Variants in ERC2 observed in about 807,000 individuals in gnomAD.
ERC2 encodes ERC protein 2.
ERC2 carries 42 observed loss-of-function variants against 114.8 expected under a neutral mutation model. The observed-to-expected ratio is 0.37, with a 90% confidence interval of 0.29 to 0.47. ERC2 has a LOEUF of 0.47. ERC2 is among the 20% of genes least tolerant of loss of function. The pLI is 0.99. For missense variants in ERC2, 939 were observed against 1,150.7 expected, an observed-to-expected ratio of 0.82 and a Z score of 2.66; for synonymous variants, 454 against 425.5, an observed-to-expected ratio of 1.07 and a Z score of -0.82.
intron 8 of ERC2, among the ~76,000 whole-genome samples, chr3:56,015,861 C>T (rs2073270981): frequency 6.6e-6 from 1 of 152,180 alleles, no homozygotes; most frequent in Admixed American, 6.5e-5. Flanking sequence ...CCAGCCTCAC[C>T]AGCATCTGTT....
chr3:56,051,042 C>T (rs2075737902), intron 7 of ERC2, among the ~76,000 whole-genome samples: 1 of 152,186 alleles, frequency 6.6e-6, no homozygotes, highest in African/African-American at 2.4e-5. Context: ...TCCCTGATGC[C>T]TGCAGCCAGA....
chr3:56,428,084 G>A (rs1314927821), intron 2 of ERC2, among the ~76,000 whole-genome samples: 1 of 152,200 alleles, frequency 6.6e-6, no homozygotes, highest in Admixed American at 6.5e-5. Context: ...AAGAAGGTAA[G>A]TCTGAGGAGT....
At chr3:56,406,177 G>A (rs913992690) in intron 2 of ERC2, among the ~76,000 whole-genome samples, 1 of 152,226 alleles carries the variant, frequency 6.6e-6, no homozygotes, top group Non-Finnish European at 1.5e-5. Context: ...ACAGGCGTAA[G>A]CCACTATGCC....
At chr3:55,914,964 T>A (rs920790416) in intron 13 of ERC2, among the ~76,000 whole-genome samples, 5 of 152,176 alleles carry the variant, frequency 3.3e-5, no homozygotes, top group African/African-American at 1.2e-4. Context: ...CCAAAGATTT[T>A]AAAAATAATC....
At chr3:56,043,037 A>G (rs1328569520) in intron 7 of ERC2, among the ~76,000 whole-genome samples, 1 of 152,192 alleles carries the variant, frequency 6.6e-6, no homozygotes, top group African/African-American at 2.4e-5. Flanking sequence ...CAAGATCTTC[A>G]TGGTTTGCTA....
At chr3:55,974,965 A>G (rs1356385814) in intron 12 of ERC2, among the ~76,000 whole-genome samples, 1 of 152,226 alleles carries the variant, frequency 6.6e-6, no homozygotes, top group East Asian at 1.9e-4. Flanking sequence ...TGGTCCCAGG[A>G]GTGCTTGAGC....
At chr3:56,370,352 G>C (rs879923870) in intron 2 of ERC2, among the ~76,000 whole-genome samples, 3 of 152,180 alleles carry the variant, frequency 2.0e-5, no homozygotes, top group Non-Finnish European at 2.9e-5. Context: ...CATTGCTCCG[G>C]ATTTCTTGTT....
At chr3:55,810,662 G>A (rs2059687188) in intron 14 of ERC2, among the ~76,000 whole-genome samples, 2 of 152,182 alleles carry the variant, frequency 1.3e-5, no homozygotes, top group Admixed American at 1.3e-4. Context: ...GTTTCACCAT[G>A]TTGGCCAGGC....
chr3:56,451,470 A>G (rs1342548054), intron 1 of ERC2, among the ~76,000 whole-genome samples: 1 of 152,226 alleles, frequency 6.6e-6, no homozygotes, highest in Non-Finnish European at 1.5e-5. Flanking sequence ...AAGAAGAGAA[A>G]GAATAAACGT....
chr3:55,673,367 G>A (rs927392804), intron 17 of ERC2, among the ~76,000 whole-genome samples: 23 of 152,152 alleles, frequency 1.5e-4, no homozygotes, highest in African/African-American at 4.6e-4. Flanking sequence ...GGCAGATCAC[G>A]AGGTCGAGAG....
At chr3:56,404,172 G>A (rs2060623631) in intron 2 of ERC2, among the ~76,000 whole-genome samples, 1 of 152,140 alleles carries the variant, frequency 6.6e-6, no homozygotes, top group Admixed American at 6.5e-5. Context: ...GTGAAGAAAA[G>A]TATTAGACCT....
At chr3:55,755,530 G>A (rs932024995) in intron 14 of ERC2, among the ~76,000 whole-genome samples, 2 of 152,078 alleles carry the variant, frequency 1.3e-5, no homozygotes, top group African/African-American at 2.4e-5. Context: ...TCAACTCCCC[G>A]AACACCCCAA....
At chr3:55,622,245 A>G (rs2059359291) in intron 17 of ERC2, among the ~76,000 whole-genome samples, 1 of 152,218 alleles carries the variant, frequency 6.6e-6, no homozygotes, top group African/African-American at 2.4e-5. Flanking sequence ...ACCTGATATA[A>G]CAAATATGAA....
chr3:56,246,501 T>C (rs1035979378), intron 3 of ERC2, among the ~76,000 whole-genome samples: 1 of 152,170 alleles, frequency 6.6e-6, no homozygotes, highest in African/African-American at 2.4e-5. Context: ...AGATAACACA[T>C]ATTGAGGTTT....
intron 17 of ERC2, among the ~76,000 whole-genome samples, chr3:55,667,254 T>C (rs1165442375): frequency 6.6e-6 from 1 of 152,198 alleles, no homozygotes; most frequent in East Asian, 1.9e-4. Context: ...CAAGGGAAGA[T>C]AGTGCTCATC....
intron 2 of ERC2, among the ~76,000 whole-genome samples, chr3:56,331,795 A>G (rs2057628536): frequency 6.6e-6 from 1 of 152,064 alleles, no homozygotes; most frequent in Non-Finnish European, 1.5e-5. Flanking sequence ...TGTGGCTTTG[A>G]GAGCCACTGA....
At chr3:55,577,264 GGAAAAAAAAAGA>G (rs932124616) in intron 17 of ERC2, among the ~76,000 whole-genome samples, 2 of 141,246 alleles carry the variant, frequency 1.4e-5, no homozygotes, top group African/African-American at 5.3e-5. Flanking sequence ...ACCTTCCCTA[GGAAAAAAAAAGA>G]GAAAAAAAAA....
At chr3:56,160,523 C>G (rs1047112199) in intron 4 of ERC2, among the ~76,000 whole-genome samples, 1 of 152,048 alleles carries the variant, frequency 6.6e-6, no homozygotes, top group African/African-American at 2.4e-5. Flanking sequence ...GCAATTGATT[C>G]TGAGGACTTA....
At chr3:56,327,885 T>C (rs923411897) in intron 2 of ERC2, among the ~76,000 whole-genome samples, 1 of 152,174 alleles carries the variant, frequency 6.6e-6, no homozygotes, top group Non-Finnish European at 1.5e-5. Flanking sequence ...TAAGGAAGAT[T>C]CCTTTATAGG....
Sources: gnomAD v4.1 joint callset for allele counts (sites outside exome capture counted in the v4.1 genomes callset) on GRCh38, gnomAD v4.1.1 for gene constraint, MANE v1.5 for transcripts, NCBI Gene and HGNC (gene_info 2026-07-23, HGNC 2026-07-21) for gene names.